SS18L2: variants seen among roughly 807,000 people sequenced by gnomAD.
SS18L2 encodes SS18-like protein 2.
SS18L2 carries 8 observed loss-of-function variants against 10.3 expected under a neutral mutation model. The ratio of observed to expected loss-of-function variants is 0.78; its 90% CI spans 0.46 to 1.41. The LOEUF (loss-of-function observed/expected upper bound fraction) is 1.41. Ranked by LOEUF, SS18L2 falls within the 40% of genes most tolerant of loss-of-function variation. The pLI is 0.00. For missense variants in SS18L2, 100 were observed against 96.2 expected (o/e 1.04, Z -0.17); for synonymous variants, 41 against 34.6 (o/e 1.19, Z -0.65).
upstream of SS18L2, chr3:42,587,288 C>T (rs528537114): frequency 6.6e-6 from 1 of 152,392 alleles, no homozygotes; most frequent in South Asian, 2.1e-4. Flanking sequence ...CCTGCTTAAC[C>T]TCCACTTTGC....
upstream of SS18L2, among the ~76,000 whole-genome samples, chr3:42,590,624 G>T (rs776214134): frequency 6.6e-6 from 1 of 151,958 alleles, no homozygotes; most frequent in South Asian, 2.1e-4. Context: ...CACTGGAGGT[G>T]CTGACGCCAG....
upstream of SS18L2, among the ~76,000 whole-genome samples, chr3:42,588,349 G>A (rs2125737849): frequency 6.6e-6 from 1 of 152,242 alleles, no homozygotes; most frequent in African/African-American, 2.4e-5. Context: ...AGGTTACAGT[G>A]AGCTGAGATT....
Position 42,594,942 on chromosome 3 carries a change from C to G in SS18L2, c.*433C>G, listed in dbSNP as rs564898896. On this transcript the variant is annotated 3_prime_UTR_variant, in exon 3 of 3. Coordinates refer to ENST00000011691, the MANE Select transcript of SS18L2 (RefSeq NM_001370300.1). ...TCCTATCAGTTTGTAAATGTGGTCC[C>G]CCTGACTGCTGTTTTCAGATTGCTT... The G allele has an allele frequency of 6.5e-6, 1 of 153,386 alleles. No individual in the cohort carries two copies. The highest frequency in any genetic ancestry group is 2.4e-5 in the African/African-American group (1 of 41,568). The allele number at this position is 153,386 out of a possible 1,614,324, so 9.5% of individuals were successfully genotyped here.
chr3:42,588,195 AGTTCAAG>A (rs1180378642), upstream of SS18L2, among the ~76,000 whole-genome samples: 1 of 152,100 alleles, frequency 6.6e-6, no homozygotes, highest in Non-Finnish European at 1.5e-5. Context: ...TGAGGTCAGG[AGTTCAAG>A]ACCAGCCTGG....
chr3:42,588,408 A>C (rs546905899), upstream of SS18L2, among the ~76,000 whole-genome samples: 130 of 152,296 alleles, frequency 8.5e-4, no homozygotes, highest in Middle Eastern at 3.4e-3. Flanking sequence ...TTGTATCAAA[A>C]AACAACAACA....
upstream of SS18L2, among the ~76,000 whole-genome samples, chr3:42,588,740 C>T (rs547704433): frequency 1.2e-4 from 18 of 152,228 alleles, no homozygotes; most frequent in East Asian, 3.5e-3. Flanking sequence ...ATTGTCATTC[C>T]TCACTTGTCT....
At chr3:42,591,203 T>C in intron 1 of SS18L2, 1 of 373,744 alleles carries the variant, frequency 2.7e-6, no homozygotes, top group Non-Finnish European at 5.0e-6. Flanking sequence ...TTTCTCTCCT[T>C]TTTTTTTTTT....
chr3:42,593,390 C>T (rs1298933866), intron 2 of SS18L2, among the ~76,000 whole-genome samples: 1 of 152,146 alleles, frequency 6.6e-6, no homozygotes, highest in Non-Finnish European at 1.5e-5. Context: ...GCACTCTAGC[C>T]TGGGTGACAG....
At chr3:42,584,021 C>T (rs1458549469) in intron 1 of SS18L2, among the ~76,000 whole-genome samples, 1 of 152,180 alleles carries the variant, frequency 6.6e-6, no homozygotes, top group African/African-American at 2.4e-5. Flanking sequence ...AAGCAGTCTA[C>T]CAGCCTCCCT....
rs9812673 is a variant in SS18L2 at position 42,596,053 on chromosome 3, C to G, written c.*1544C>G. On this transcript the variant is annotated 3_prime_UTR_variant, in exon 3 of 3. Transcript: ENST00000011691. ...TTTTTGTTTTTGTTTTTTTTTGAGACGGAATCTCGCTCTGTCGGAGTGCAG... is the reference window on the plus strand; with the variant it reads ...TTTTTGTTTTTGTTTTTTTTTGAGAGGGAATCTCGCTCTGTCGGAGTGCAG... Among the ~76,000 whole-genome samples the G allele has an allele frequency of 6.6e-6, 1 of 151,096 alleles. No individual in the cohort carries two copies. Among genetic ancestry groups the G allele is most frequent in the South Asian group, 2.1e-4 (1 of 4,772 alleles).
chr3:42,586,352 A>G (rs1704607739), upstream of SS18L2, among the ~76,000 whole-genome samples: 1 of 152,108 alleles, frequency 6.6e-6, no homozygotes, highest in Admixed American at 6.5e-5. Context: ...CCTCCCAAGT[A>G]GCTGGGACTA....
rs1704805279 is a variant in SS18L2 at position 42,590,968 on chromosome 3, T to TGAGCATCCACGCGGGC, written c.69+4_69+19dup. 1 of 414,290 alleles carries TGAGCATCCACGCGGGC rather than the reference T, an allele frequency of 2.4e-6. No individual in the cohort carries two copies. Among genetic ancestry groups the TGAGCATCCACGCGGGC allele is most frequent in the African/African-American group, 3.3e-5 (1 of 30,738 alleles). 25.7% of individuals were successfully genotyped at this position (414,290 alleles called of 1,614,324 possible). ...GTCAATCAAGAGACTATCCAGCGGG[T>TGAGCATCCACGCGGGC]GAGCATCCACGCGGGCGGGCGGGCG... On this transcript the variant is annotated splice_region_variant and intron_variant, in intron 1 of 2. Transcript: ENST00000011691.
At chr3:42,586,315 C>T (rs898109019), upstream of SS18L2, among the ~76,000 whole-genome samples, 4 of 152,146 alleles carry the variant, frequency 2.6e-5, no homozygotes, top group African/African-American at 9.7e-5. Context: ...CTCTGCCTGC[C>T]GGATTCAAGT....
At chr3:42,591,026 G>C in intron 1 of SS18L2, 60 bp downstream of exon 1, 1 of 1,533,068 alleles carries the variant, frequency 6.5e-7, no homozygotes, top group Non-Finnish European at 8.8e-7. Flanking sequence ...GAGGGGCTGC[G>C]GGGTGCGAGA....
At chr3:42,593,756 G>T (rs1704939869) in intron 2 of SS18L2, among the ~76,000 whole-genome samples, 2 of 152,174 alleles carry the variant, frequency 1.3e-5, no homozygotes, top group African/African-American at 4.8e-5. Context: ...GAGTAAGTGG[G>T]GGGAGGAGTG....
chr3:42,590,924 G>T lies in SS18L2; in HGVS notation c.27G>T (p.Trp9Cys). The T allele has an allele frequency of 1.2e-6, 2 of 1,613,294 alleles. No individual in the cohort carries two copies. The highest frequency in any genetic ancestry group is 1.7e-6 in the Non-Finnish European group (2 of 1,179,770). ...TGTCGGTGGCCTTCGTACCGGACTG[G>T]CTGAGGGGCAAGGCGGAAGTCAATC... is the stretch of plus-strand genomic sequence containing the variant. MSVAFVPD[W>C]LRGKAEVNQE... The change falls in exon 1 of 3, where the codon TGG becomes TGT. Residue 9 changes from tryptophan (W) to cysteine (C), a missense_variant. By Grantham distance (215) the Trp-to-Cys change is radical. Transcript: ENST00000011691.
At chr3:42,582,132 G>C (rs371365400) in intron 1 of SS18L2, 5 of 152,366 alleles carry the variant, frequency 3.3e-5, no homozygotes, top group African/African-American at 1.2e-4. Flanking sequence ...CGACCCAAAC[G>C]GAGAGGGAGT....
chr3:42,586,863 A>C (rs1283191861), upstream of SS18L2, among the ~76,000 whole-genome samples: 2 of 152,176 alleles, frequency 1.3e-5, no homozygotes, highest in African/African-American at 4.8e-5. Context: ...CACACTGTAC[A>C]TTTCCACAAC....
chr3:42,590,909 C>T lies in SS18L2; in HGVS notation c.12C>T (p.Ala4=), dbSNP rs370129489. The change falls in exon 1 of 3, where the codon GCC becomes GCT. Residue 4 remains alanine (A), a synonymous_variant. Transcript: ENST00000011691. MSV[A]FVPDWLRGKA... ...GGAGGTTCCTCGGGATGTCGGTGGCCTTCGTACCGGACTGGCTGAGGGGCA... is the reference window on the plus strand; with the variant it reads ...GGAGGTTCCTCGGGATGTCGGTGGCTTTCGTACCGGACTGGCTGAGGGGCA... 9.6e-5 allele frequency: 146 copies of T among 1,522,032 alleles called. 1 individual carries two copies. In the South Asian group the frequency reaches 1.1e-3, roughly 11 times the overall value. 94.3% of individuals were successfully genotyped at this position (1,522,032 alleles called of 1,614,324 possible).
Sources: allele counts gnomAD v4.1 joint callset (sites outside exome capture counted in the v4.1 genomes callset), GRCh38; gene constraint gnomAD v4.1.1; transcripts MANE v1.5; gene names NCBI Gene and HGNC (gene_info 2026-07-23, HGNC 2026-07-21).